Variants in CDH18 observed in about 807,000 individuals in gnomAD.
The protein encoded by CDH18 is cadherin-18.
CDH18 carries 31 observed loss-of-function variants against 67.9 expected under a neutral mutation model. The observed-to-expected ratio is 0.46, with a 90% CI of 0.34 to 0.62. The LOEUF is 0.62. CDH18 is among the 20% of genes least tolerant of loss of function. The probability of loss-of-function intolerance (pLI) is 0.01; values close to 1 mark genes in which losing one functional copy is unlikely to be tolerated. For synonymous variants in CDH18, 362 were observed against 347.2 expected (o/e 1.04, Z -0.48); for missense variants, 890 against 975.5 (o/e 0.91, Z 1.17).
chr5:20,078,728 A>G (rs1231150468), intron 2 of CDH18, among the ~76,000 whole-genome samples: 1 of 151,654 alleles, frequency 6.6e-6, no homozygotes. Context: ...TCAGCCTCTC[A>G]AGTAGCTGGG....
chr5:20,326,689 C>T (rs1180938997), intron 1 of CDH18, among the ~76,000 whole-genome samples: 2 of 151,962 alleles, frequency 1.3e-5, no homozygotes, highest in East Asian at 3.9e-4. Context: ...CAGGTGCCCG[C>T]CACCACACCC....
chr5:20,240,996 T>A (rs1271117478), intron 2 of CDH18, among the ~76,000 whole-genome samples: 1 of 152,114 alleles, frequency 6.6e-6, no homozygotes, highest in Non-Finnish European at 1.5e-5. Context: ...AATTATTATA[T>A]TTTTCTTTTT....
At chr5:19,693,650 A>C (rs1057273085) in intron 5 of CDH18, among the ~76,000 whole-genome samples, 13 of 152,106 alleles carry the variant, frequency 8.5e-5, no homozygotes, top group Non-Finnish European at 1.8e-4. Flanking sequence ...TAATCCCAAC[A>C]CTTTGGGAGG....
intron 5 of CDH18, among the ~76,000 whole-genome samples, chr5:19,652,142 A>G (rs1258354344): frequency 2.0e-5 from 3 of 151,864 alleles, no homozygotes; most frequent in Non-Finnish European, 4.4e-5. Context: ...TCTTTTTAAT[A>G]TAATTATTAT....
intron 11 of CDH18, among the ~76,000 whole-genome samples, chr5:19,497,406 AAT>A (rs1347246049): frequency 6.6e-6 from 1 of 152,194 alleles, no homozygotes; most frequent in Non-Finnish European, 1.5e-5. Context: ...TATTTCCACC[AAT>A]ATATTCCCAG....
intron 1 of CDH18, among the ~76,000 whole-genome samples, chr5:20,500,591 T>G (rs1314437458): frequency 1.3e-5 from 2 of 152,130 alleles, no homozygotes; most frequent in Non-Finnish European, 2.9e-5. Context: ...CTGTGAGGCT[T>G]AGATCTGCTT....
chr5:20,177,730 G>A (rs572969294), intron 2 of CDH18, among the ~76,000 whole-genome samples: 1 of 152,056 alleles, frequency 6.6e-6, no homozygotes, highest in Non-Finnish European at 1.5e-5. Context: ...CCCAGTGGGA[G>A]ATAATTGAAT....
chr5:20,223,187 G>T (rs780044511), intron 2 of CDH18, among the ~76,000 whole-genome samples: 4 of 152,210 alleles, frequency 2.6e-5, no homozygotes, highest in Middle Eastern at 6.8e-3. Context: ...GCCCAAGGCC[G>T]TGGAAACCCA....
intron 2 of CDH18, among the ~76,000 whole-genome samples, chr5:19,882,949 C>A (rs1311418009): frequency 6.6e-6 from 1 of 151,976 alleles, no homozygotes; most frequent in East Asian, 1.9e-4. Context: ...TTTATATGAC[C>A]AGATGACTTT....
At chr5:19,623,691 T>C (rs1219105372) in intron 5 of CDH18, among the ~76,000 whole-genome samples, 1 of 151,854 alleles carries the variant, frequency 6.6e-6, no homozygotes, top group East Asian at 1.9e-4. Context: ...GTATTTAATA[T>C]GAATGTCACA....
chr5:20,163,898 C>T (rs1037341197), intron 2 of CDH18, among the ~76,000 whole-genome samples: 1 of 152,074 alleles, frequency 6.6e-6, no homozygotes, highest in African/African-American at 2.4e-5. Flanking sequence ...TTGACATTTG[C>T]ACAATATACC....
intron 6 of CDH18, among the ~76,000 whole-genome samples, chr5:19,597,065 G>A (rs1225450084): frequency 2.0e-5 from 3 of 152,174 alleles, no homozygotes; most frequent in African/African-American, 7.2e-5. Context: ...AAAAGACTGT[G>A]GCTTCTATCA....
intron 1 of CDH18, among the ~76,000 whole-genome samples, chr5:20,477,464 G>A (rs1454937928): frequency 9.2e-5 from 14 of 152,218 alleles, no homozygotes; most frequent in Admixed American, 9.2e-4. Flanking sequence ...GAGAAGCTGT[G>A]TGTTTGTAGG....
intron 3 of CDH18, among the ~76,000 whole-genome samples, chr5:19,802,868 A>C (rs1489683246): frequency 2.0e-5 from 3 of 152,216 alleles, no homozygotes. Flanking sequence ...CAGCAATAAT[A>C]GTTTAAGTCT....
intron 2 of CDH18, among the ~76,000 whole-genome samples, chr5:20,180,866 A>C (rs1192935555): frequency 6.6e-6 from 1 of 152,136 alleles, no homozygotes; most frequent in Admixed American, 6.6e-5. Flanking sequence ...ACATGAAAAA[A>C]ATTAACTGTG....
intron 1 of CDH18, among the ~76,000 whole-genome samples, chr5:20,399,724 G>T (rs1030964197): frequency 1.3e-5 from 2 of 152,154 alleles, no homozygotes; most frequent in African/African-American, 4.8e-5. Flanking sequence ...TAGTAGCTGT[G>T]AATAAATAAG....
At chr5:19,804,551 C>T (rs991562418) in intron 3 of CDH18, among the ~76,000 whole-genome samples, 5 of 152,154 alleles carry the variant, frequency 3.3e-5, no homozygotes, top group Non-Finnish European at 7.4e-5. Flanking sequence ...TGTGCCTACA[C>T]CCTGTTCTAC....
chr5:19,942,473 C>G (rs567349605), intron 2 of CDH18, among the ~76,000 whole-genome samples: 1 of 152,034 alleles, frequency 6.6e-6, no homozygotes, highest in South Asian at 2.1e-4. Flanking sequence ...ATCAAGGGAG[C>G]GATATTCCTA....
chr5:20,328,063 G>A (rs951896238), intron 1 of CDH18, among the ~76,000 whole-genome samples: 5 of 152,046 alleles, frequency 3.3e-5, no homozygotes, highest in African/African-American at 9.6e-5. Flanking sequence ...ACCTTGCTAC[G>A]GAGAAATAAG....
Sources: gnomAD v4.1 joint callset for allele counts (sites outside exome capture counted in the v4.1 genomes callset) on GRCh38, gnomAD v4.1.1 for gene constraint, MANE v1.5 for transcripts, NCBI Gene and HGNC (gene_info 2026-07-23, HGNC 2026-07-21) for gene names.